The following CNTNAP4 variants were observed in gnomAD, a reference collection of about 807,000 sequenced individuals.
CNTNAP4 encodes the protein contactin associated protein family member 4.
A neutral mutation model predicts 148.4 loss-of-function variants in CNTNAP4; 98 were observed. The ratio of observed to expected loss-of-function variants is 0.66; its 90% confidence interval spans 0.56 to 0.78. The LOEUF (loss-of-function observed/expected upper bound fraction) is 0.78. CNTNAP4 is among the 30% of genes least tolerant of loss of function. The pLI is 0.00. For synonymous variants in CNTNAP4, 730 were observed against 565.1 expected (o/e 1.29, Z -4.14); for missense variants, 1,935 against 1,565.6 (o/e 1.24, Z -3.98).
chr16:76,347,514 G>A (rs1190141649), intron 2 of CNTNAP4, among the ~76,000 whole-genome samples: 1 of 152,152 alleles, frequency 6.6e-6, no homozygotes, highest in East Asian at 1.9e-4. Context: ...TAAAAAAGAT[G>A]GAGATTTCTG....
chr16:76,491,045 C>A (rs535881307), intron 13 of CNTNAP4, among the ~76,000 whole-genome samples: 1 of 152,274 alleles, frequency 6.6e-6, no homozygotes, highest in South Asian at 2.1e-4. Flanking sequence ...TTGAACCCTG[C>A]ATTTCCGATT....
Position 76,449,695 on chromosome 16 carries a change from A to C in CNTNAP4, c.928-20A>C. 2 of 1,539,924 alleles carry C rather than the reference A, an allele frequency of 1.3e-6. No individual in the cohort carries two copies. The highest frequency in any genetic ancestry group is 1.7e-6 in the Non-Finnish European group (2 of 1,144,444). On this transcript the variant is annotated intron_variant, in intron 6 of 23. Transcript: ENST00000611870. The stretch of plus-strand genomic sequence containing the variant: ...AGAAAATCACTAAACAATATTATTG[A>C]TGCCATTTTTCTTTCTAAGATCAGC...
intron 8 of CNTNAP4, among the ~76,000 whole-genome samples, chr16:76,457,047 A>G (rs1049995761): frequency 6.6e-6 from 1 of 152,328 alleles, no homozygotes; most frequent in African/African-American, 2.4e-5. Flanking sequence ...TCCTCCCCAG[A>G]CTTAAAAGTT....
chr16:76,516,246 T>C (rs375611771), intron 15 of CNTNAP4, among the ~76,000 whole-genome samples: 15 of 152,318 alleles, frequency 9.8e-5, no homozygotes, highest in East Asian at 5.8e-4. Context: ...TCCAGATTCA[T>C]CCACGTCCCT....
chr16:76,298,529 T>TGA (rs202160575), intron 1 of CNTNAP4, among the ~76,000 whole-genome samples: 4 of 128,442 alleles, frequency 3.1e-5, no homozygotes, highest in Non-Finnish European at 6.5e-5. Context: ...TGTGTGTGTG[T>TGA]GAGGTAAGGG....
At chr16:76,385,348 A>T (rs1216390279) in intron 3 of CNTNAP4, among the ~76,000 whole-genome samples, 2 of 152,120 alleles carry the variant, frequency 1.3e-5, no homozygotes, top group Non-Finnish European at 2.9e-5. Flanking sequence ...GGGACTAGAG[A>T]TTGTTTTTAA....
Position 76,298,481 on chromosome 16 carries a change from CATGTAT to C in CNTNAP4, c.86-17931_86-17926del, listed in dbSNP as rs377504128. ...TTCATTGTGTGTGCACATGTGTGTA[CATGTAT>C]GTGTGTGTGTGTGTGTGTGTGTGTG... On this transcript the variant is annotated intron_variant, in intron 1 of 23. Transcript: ENST00000611870. Among the ~76,000 whole-genome samples, 1,324 of 134,898 alleles carry C rather than the reference CATGTAT, an allele frequency of 9.8e-3. 25 individuals are homozygous for C. The highest frequency in any genetic ancestry group is 0.034 in the African/African-American group (1,218 of 35,632). 88.5% of individuals were successfully genotyped at this position (134,898 alleles called of 152,430 possible).
intron 2 of CNTNAP4, among the ~76,000 whole-genome samples, chr16:76,318,795 A>G (rs1001780218): frequency 2.0e-5 from 3 of 149,754 alleles, no homozygotes; most frequent in South Asian, 2.1e-4. Flanking sequence ...ATTAATAATT[A>G]TGAGAAATTA....
chr16:76,410,662 C>G (rs1407816143), intron 3 of CNTNAP4, among the ~76,000 whole-genome samples: 2 of 151,688 alleles, frequency 1.3e-5, no homozygotes, highest in African/African-American at 2.4e-5. Flanking sequence ...AAATAAAATA[C>G]TCTCTCTTTT....
At chr16:76,460,773 A>AAAATATATATATAT in intron 8 of CNTNAP4, among the ~76,000 whole-genome samples, 4 of 57,326 alleles carry the variant, frequency 7.0e-5, no homozygotes, top group African/African-American at 2.6e-4. Flanking sequence ...AAAAAAAAAA[A>AAAATATATATATAT]ATATATATAT....
intron 4 of CNTNAP4, among the ~76,000 whole-genome samples, chr16:76,435,703 C>T (rs1464668450): frequency 6.6e-6 from 1 of 152,146 alleles, no homozygotes; most frequent in Non-Finnish European, 1.5e-5. Context: ...CCTTTGGATT[C>T]CTTTCTCTAC....
intron 2 of CNTNAP4, among the ~76,000 whole-genome samples, chr16:76,343,034 G>A (rs971032623): frequency 1.3e-5 from 2 of 152,102 alleles, no homozygotes; most frequent in African/African-American, 4.8e-5. Context: ...GAAAATGCAA[G>A]GGTGTGGATA....
At chr16:76,405,114 G>T (rs930241941) in intron 3 of CNTNAP4, among the ~76,000 whole-genome samples, 1 of 152,102 alleles carries the variant, frequency 6.6e-6, no homozygotes, top group Non-Finnish European at 1.5e-5. Flanking sequence ...AATAGAAAAT[G>T]ACACAGAATT....
intron 21 of CNTNAP4, among the ~76,000 whole-genome samples, chr16:76,542,031 C>G (rs180698636): frequency 6.6e-6 from 1 of 152,138 alleles, no homozygotes; most frequent in Non-Finnish European, 1.5e-5. Flanking sequence ...AATGACGATT[C>G]TACTTTATTC....
chr16:76,331,321 G>C (rs1238370977), intron 2 of CNTNAP4, among the ~76,000 whole-genome samples: 1 of 151,924 alleles, frequency 6.6e-6, no homozygotes, highest in Non-Finnish European at 1.5e-5. Flanking sequence ...CCGAGTAGCT[G>C]GGACTGCAGG....
chr16:76,447,659 T>G (rs2080299454), intron 4 of CNTNAP4, among the ~76,000 whole-genome samples: 1 of 152,210 alleles, frequency 6.6e-6, no homozygotes, highest in Non-Finnish European at 1.5e-5. Context: ...TCACTTTCAG[T>G]GCAGTATTCA....
At position 76,439,094 on chromosome 16, in the gene CNTNAP4, T is replaced by A. The variant is rs184283892; in HGVS notation, c.539-8918T>A. Among the ~76,000 whole-genome samples, 202 of 152,298 alleles carry A rather than the reference T, an allele frequency of 1.3e-3. 1 individual carries two copies. Among genetic ancestry groups the A allele is most frequent in the African/African-American group, 4.6e-3 (191 of 41,572 alleles). On this transcript the variant is annotated intron_variant, in intron 4 of 23. Transcript: ENST00000611870. ...TACACACAGGAGGATTTGCCTGCTC[T>A]CTTCCTTCGGGATGGAGCATCCTTG...
At chr16:76,427,384 T>C in intron 3 of CNTNAP4, 68 bp from the exon 4 acceptor site, 2 of 1,387,732 alleles carry the variant, frequency 1.4e-6, no homozygotes. Flanking sequence ...CTAATAGACA[T>C]TATAGGTGAC....
chr16:76,462,894 C>A (rs2081035993), intron 9 of CNTNAP4, among the ~76,000 whole-genome samples: 1 of 152,140 alleles, frequency 6.6e-6, no homozygotes, highest in African/African-American at 2.4e-5. Context: ...TTGCTTGTAT[C>A]TGGAATCATT....
Sources: gnomAD v4.1 joint callset for allele counts (sites outside exome capture counted in the v4.1 genomes callset) on GRCh38, gnomAD v4.1.1 for gene constraint, MANE v1.5 for transcripts, NCBI Gene and HGNC (gene_info 2026-07-23, HGNC 2026-07-21) for gene names.